PTPRD: variants seen among roughly 807,000 people sequenced by gnomAD.
PTPRD encodes the protein receptor-type tyrosine-protein phosphatase delta.
PTPRD carries 34 observed loss-of-function variants against 214.5 expected under a neutral mutation model. That is an observed-to-expected ratio of 0.16 (90% CI 0.12 to 0.21). The LOEUF (loss-of-function observed/expected upper bound fraction) is 0.21, where lower values mean the gene tolerates loss of function less well. Ranked by LOEUF, PTPRD falls within the 10% of genes least tolerant of loss-of-function variation. The pLI, the probability that PTPRD is intolerant of heterozygous loss-of-function variation, is 1.00. For missense variants in PTPRD, 2,545 were observed against 2,398.7 expected (o/e 1.06, Z -1.27); for synonymous variants, 1,128 against 845.7 (o/e 1.33, Z -5.79).
chr9:10,137,603 A>G (rs2098951315), intron 3 of PTPRD, among the ~76,000 whole-genome samples: 1 of 87,806 alleles, frequency 1.1e-5, no homozygotes, highest in African/African-American at 4.9e-5. Flanking sequence ...CTAATGCTAG[A>G]TGACACATTA....
At chr9:10,253,753 T>A (rs976946557) in intron 3 of PTPRD, among the ~76,000 whole-genome samples, 6 of 152,194 alleles carry the variant, frequency 3.9e-5, no homozygotes, top group Non-Finnish European at 8.8e-5. Flanking sequence ...AATGATTTTT[T>A]AAAATATAGA....
chr9:8,972,938 A>G (rs2099247300), intron 11 of PTPRD, among the ~76,000 whole-genome samples: 1 of 151,786 alleles, frequency 6.6e-6, no homozygotes, highest in Non-Finnish European at 1.5e-5. Context: ...TTAATAGACT[A>G]GTAGATAAAA....
At chr9:8,635,681 G>A (rs574766288) in intron 13 of PTPRD, among the ~76,000 whole-genome samples, 30 of 152,006 alleles carry the variant, frequency 2.0e-4, no homozygotes, top group Non-Finnish European at 4.3e-4. Flanking sequence ...CCTTTAATCT[G>A]CCAAACTGTA....
intron 7 of PTPRD, among the ~76,000 whole-genome samples, chr9:9,584,554 A>T (rs1450443720): frequency 6.6e-6 from 1 of 151,888 alleles, no homozygotes; most frequent in East Asian, 1.9e-4. Flanking sequence ...ACTTGTTCAC[A>T]TATTAAGTGT....
chr9:9,495,575 G>A (rs564321136), intron 8 of PTPRD, among the ~76,000 whole-genome samples: 1 of 152,180 alleles, frequency 6.6e-6, no homozygotes, highest in East Asian at 1.9e-4. Context: ...GACCTTGAGG[G>A]AGTGACTAGA....
chr9:9,420,848 T>A (rs1235313356), intron 8 of PTPRD, among the ~76,000 whole-genome samples: 1 of 151,994 alleles, frequency 6.6e-6, no homozygotes, highest in African/African-American at 2.4e-5. Context: ...TCTATATATT[T>A]GTAAAGAAAA....
chr9:8,923,443 C>G (rs1305649095), intron 11 of PTPRD, among the ~76,000 whole-genome samples: 1 of 151,720 alleles, frequency 6.6e-6, no homozygotes, highest in Non-Finnish European at 1.5e-5. Flanking sequence ...AAGCCCCAAC[C>G]ACACTCCACT....
rs561854037 is a variant in PTPRD at position 9,950,500 on chromosome 9, G to A, written c.-471-11890C>T. Among the ~76,000 whole-genome samples the A allele has an allele frequency of 9.5e-4, 33 of 34,886 alleles. 10 individuals carry two copies. The Admixed American group carries it at 0.01, about 11-fold the overall frequency. The allele number at this position is 34,886 out of a possible 152,430, so 22.9% of individuals were successfully genotyped here. A position where few individuals can be genotyped will look rare whatever the true frequency, so the allele number is the denominator to read the frequency against. ...AGCACTTTGGGAGGCCGAGGCGGGC[G>A]GATCACGAGGTCAGGAGATCGAGAC... On this transcript the variant is annotated intron_variant, in intron 4 of 45. Transcript: ENST00000381196.
chr9:9,663,280 T>C (rs1677762831), intron 7 of PTPRD, among the ~76,000 whole-genome samples: 1 of 151,444 alleles, frequency 6.6e-6, no homozygotes, highest in African/African-American at 2.4e-5. Context: ...TTGTACTGAT[T>C]AATATATAGA....
chr9:9,712,188 G>C (rs907663898), intron 7 of PTPRD, among the ~76,000 whole-genome samples: 1 of 151,912 alleles, frequency 6.6e-6, no homozygotes, highest in African/African-American at 2.4e-5. Flanking sequence ...TCTTACTTCT[G>C]ATTTACTTTA....
chr9:9,970,033 G>C lies in PTPRD; in HGVS notation c.-471-31423C>G, dbSNP rs12338569. Among the ~76,000 whole-genome samples, 365 of 152,208 alleles carry C rather than the reference G, an allele frequency of 2.4e-3. 1 individual carries two copies. The highest frequency in any genetic ancestry group is 8.4e-3 in the African/African-American group (347 of 41,530). ...CATTAGAGAAAAATGGGTACATGGG[G>C]ACAGTGGCACCTGTATGGGCCTTAA... On this transcript the variant is annotated intron_variant, in intron 4 of 45. Transcript: ENST00000381196.
At chr9:9,028,968 C>G (rs1451527027) in intron 10 of PTPRD, among the ~76,000 whole-genome samples, 1 of 151,802 alleles carries the variant, frequency 6.6e-6, no homozygotes, top group Non-Finnish European at 1.5e-5. Flanking sequence ...GCTGCGTTGT[C>G]CAATATGGTA....
intron 6 of PTPRD, among the ~76,000 whole-genome samples, chr9:9,750,259 A>T (rs1262677759): frequency 2.6e-5 from 4 of 152,192 alleles, no homozygotes; most frequent in African/African-American, 9.6e-5. Flanking sequence ...AATGCTCAAA[A>T]ATAAAATAAT....
chr9:9,463,953 C>A (rs2093907687), intron 8 of PTPRD, among the ~76,000 whole-genome samples: 1 of 152,182 alleles, frequency 6.6e-6, no homozygotes, highest in African/African-American at 2.4e-5. Flanking sequence ...CCTCACTCAT[C>A]ATGACTGCAT....
chr9:9,470,548 C>T (rs2094517127), intron 8 of PTPRD, among the ~76,000 whole-genome samples: 1 of 152,142 alleles, frequency 6.6e-6, no homozygotes, highest in African/African-American at 2.4e-5. Flanking sequence ...GGTTTTCTAA[C>T]AGTATACACT....
At chr9:9,061,623 G>T (rs978301672) in intron 10 of PTPRD, among the ~76,000 whole-genome samples, 3 of 151,860 alleles carry the variant, frequency 2.0e-5, no homozygotes, top group Non-Finnish European at 4.4e-5. Flanking sequence ...AAGTGGAAAG[G>T]GTCACAGCAG....
intron 8 of PTPRD, among the ~76,000 whole-genome samples, chr9:9,409,620 G>T (rs892964395): frequency 6.6e-6 from 1 of 151,808 alleles, no homozygotes; most frequent in African/African-American, 2.4e-5. Context: ...AATATAAAAA[G>T]TACAAGCCAC....
intron 14 of PTPRD, among the ~76,000 whole-genome samples, chr9:8,613,483 C>T (rs2095517122): frequency 6.6e-6 from 1 of 152,028 alleles, no homozygotes; most frequent in Admixed American, 6.6e-5. Flanking sequence ...AAAAATAAAT[C>T]CAAGTGGGAA....
chr9:10,467,892 G>GA lies in PTPRD; in HGVS notation c.-599-126876dup, dbSNP rs912937763. On this transcript the variant is annotated intron_variant, in intron 2 of 45. Transcript: ENST00000381196. Reference sequence around the variant, plus strand: ...GCATTTATTTGGCCAGCTAACATATGAAAAAAAAATCTCATCATCATTGGT... The same window carrying GA: ...GCATTTATTTGGCCAGCTAACATATGAAAAAAAAAATCTCATCATCATTGGT... 3.1e-4 allele frequency among the ~76,000 whole-genome samples: 47 copies of GA among 151,044 alleles called. 2 individuals are homozygous for GA. The highest frequency in any genetic ancestry group is 9.0e-4 in the African/African-American group (37 of 41,262).
Sources: gnomAD v4.1 joint callset for allele counts (sites outside exome capture counted in the v4.1 genomes callset) on GRCh38, gnomAD v4.1.1 for gene constraint, MANE v1.5 for transcripts, NCBI Gene and HGNC (gene_info 2026-07-23, HGNC 2026-07-21) for gene names.